The following DARS2 variants were observed in gnomAD, a reference collection of about 807,000 sequenced individuals.
The protein encoded by DARS2 is aspartate--tRNA ligase, mitochondrial.
DARS2 carries 63 observed loss-of-function variants against 83.0 expected under a neutral mutation model. That is an observed-to-expected ratio of 0.76 (90% CI 0.62 to 0.94). DARS2 has a LOEUF of 0.94. DARS2 is among the 40% of genes least tolerant of loss of function. The pLI is 0.00. For missense variants in DARS2, 675 were observed against 774.4 expected, an observed-to-expected ratio of 0.87 and a Z score of 1.52; for synonymous variants, 250 against 269.3, an observed-to-expected ratio of 0.93 and a Z score of 0.70.
intron 9 of DARS2, among the ~76,000 whole-genome samples, chr1:173,838,660 A>G (rs1421713848): frequency 6.6e-6 from 1 of 152,004 alleles, no homozygotes; most frequent in East Asian, 1.9e-4. Context: ...TGATATTTTA[A>G]TCTAATATGT....
In DARS2 at chr1:173,836,853, G is replaced by A. The variant is rs868766598; in HGVS notation, c.664-87G>A. On this transcript the variant is annotated intron_variant, in intron 7 of 16. Coordinates refer to ENST00000649689, the MANE Select transcript of DARS2 (RefSeq NM_018122.5). ...TTTAGTCATTCATTGATAAACTGAA[G>A]TAACAACTTCTACTAGTTAGTTATA... 10 of 1,081,502 alleles carry A rather than the reference G, an allele frequency of 9.2e-6. No individual in the cohort carries two copies. In the Middle Eastern group the frequency reaches 1.5e-3, roughly 161 times the overall value. The allele number at this position is 1,081,502 out of a possible 1,614,324, so 67.0% of individuals were successfully genotyped here.
intron 10 of DARS2, among the ~76,000 whole-genome samples, 163 bp downstream of exon 10, chr1:173,839,709 T>A (rs1029816167): frequency 6.6e-6 from 1 of 152,246 alleles, no homozygotes; most frequent in Non-Finnish European, 1.5e-5. Flanking sequence ...TAATAGCATG[T>A]TAGCAATACA....
chr1:173,834,724 G>GT lies in DARS2; in HGVS notation c.663+212dup, dbSNP rs1203102003. 3.5e-3 allele frequency among the ~76,000 whole-genome samples: 52 copies of GT among 14,788 alleles called. 1 individual carries two copies. The highest frequency in any genetic ancestry group is 9.9e-3 in the African/African-American group (39 of 3,920). 9.7% of individuals were successfully genotyped at this position (14,788 alleles called of 152,430 possible). A position where few individuals can be genotyped will look rare whatever the true frequency, so the allele number is the denominator to read the frequency against. Reference sequence around the variant, plus strand: ...TCCACATAAATTTTCTTTCCTTTGAGTTTTTTTGTTTTTTTTTTTTTTTTT... The same window carrying GT: ...TCCACATAAATTTTCTTTCCTTTGAGTTTTTTTTGTTTTTTTTTTTTTTTTT... On this transcript the variant is annotated intron_variant, in intron 7 of 16. Transcript: ENST00000649689.
intron 8 of DARS2, among the ~76,000 whole-genome samples, chr1:173,837,371 G>A (rs186049050): frequency 1.0e-3 from 152 of 152,134 alleles, no homozygotes; most frequent in Non-Finnish European, 1.7e-3. Flanking sequence ...TAAACCAAAT[G>A]TAAATGTATT....
intron 11 of DARS2, among the ~76,000 whole-genome samples, chr1:173,844,669 C>CAAAAAA (rs549839808): frequency 8.4e-4 from 25 of 29,930 alleles, no homozygotes; most frequent in African/African-American, 1.4e-3. Context: ...GACTCCATCG[C>CAAAAAA]AAAAAAAAAA....
In DARS2 at chr1:173,858,106, G is replaced by A. The variant is rs1653922786; in HGVS notation, c.*401G>A. The stretch of plus-strand genomic sequence containing the variant: ...TGCCCCTGTAAACTAGTGAGTTGAT[G>A]GAGCATTTGCTTCATCATCCTCATC... On this transcript the variant is annotated 3_prime_UTR_variant, in exon 17 of 17. Transcript: ENST00000649689. 8.4e-6 allele frequency: 2 copies of A among 238,152 alleles called. No homozygotes were observed. Among genetic ancestry groups the A allele is most frequent in the South Asian group, 1.1e-4 (2 of 17,702 alleles). The allele number at this position is 238,152 out of a possible 1,614,324, so 14.8% of individuals were successfully genotyped here. A position where few individuals can be genotyped will look rare whatever the true frequency, so the allele number is the denominator to read the frequency against.
Position 173,857,951 on chromosome 1 carries a change from T to G in DARS2, c.*246T>G. 1 of 509,212 alleles carries G rather than the reference T, an allele frequency of 2.0e-6. No homozygotes were observed. Among genetic ancestry groups the G allele is most frequent in the Non-Finnish European group, 3.6e-6 (1 of 281,490 alleles). The allele number at this position is 509,212 out of a possible 1,614,324, so 31.5% of individuals were successfully genotyped here. On this transcript the variant is annotated 3_prime_UTR_variant, in exon 17 of 17. Transcript: ENST00000649689. ...TTTGAAGTTCCTTTTTACTTAGGTG[T>G]GAAAGATGGTTCTTTGTTGAAATAA... is the stretch of plus-strand genomic sequence containing the variant.
At chr1:173,825,487 G>A (rs1412229780) in intron 1 of DARS2, 131 bp downstream of exon 1, 10 of 425,424 alleles carry the variant, frequency 2.4e-5, no homozygotes, top group Non-Finnish European at 2.8e-5. Flanking sequence ...ATTATTATTT[G>A]AGACGGAGTC....
Position 173,840,985 on chromosome 1 carries a change from A to G in DARS2, c.1128+12A>G. On this transcript the variant is annotated intron_variant, in intron 11 of 16. Coordinates refer to ENST00000649689, the MANE Select transcript of DARS2 (RefSeq NM_018122.5). Reference sequence around the variant, plus strand: ...TCCCTGAAGGAGCAGTAAGTGAAGTACAGTTCTATGTTTCTCTAGAATGTA... The same window carrying G: ...TCCCTGAAGGAGCAGTAAGTGAAGTGCAGTTCTATGTTTCTCTAGAATGTA... The G allele has an allele frequency of 6.9e-7, 1 of 1,447,076 alleles. No homozygotes were observed. Among genetic ancestry groups the G allele is most frequent in the Non-Finnish European group, 9.7e-7 (1 of 1,027,738 alleles). The allele number at this position is 1,447,076 out of a possible 1,614,324, so 89.6% of individuals were successfully genotyped here.
chr1:173,841,615 C>G (rs1407066050), intron 11 of DARS2, among the ~76,000 whole-genome samples: 4 of 151,740 alleles, frequency 2.6e-5, no homozygotes, highest in African/African-American at 9.7e-5. Flanking sequence ...GAGTTCGAGA[C>G]CAGCCTGGGG....
At chr1:173,839,283 TCTATAGTAA>T in intron 9 of DARS2, 75 bp from the exon 10 acceptor site, 1 of 1,272,120 alleles carries the variant, frequency 7.9e-7, no homozygotes, top group South Asian at 1.2e-5. Flanking sequence ...TGTGCAAAAT[TCTATAGTAA>T]CTTGAAAGCA....
chr1:173,853,335 T>C lies in DARS2; in HGVS notation c.1345-14T>C, dbSNP rs374321165. ...TCAAGAAGTTAACTCAATGTTTACG[T>C]CTTCTGTTTGCAGTGCTCTTTGTTA... is the stretch of plus-strand genomic sequence containing the variant. On this transcript the variant is annotated splice_polypyrimidine_tract_variant and intron_variant, in intron 13 of 16. Coordinates refer to ENST00000649689, the MANE Select transcript of DARS2 (RefSeq NM_018122.5). 1.9e-6 allele frequency: 3 copies of C among 1,612,086 alleles called. No homozygotes were observed. The African/African-American group carries it at 4.0e-5, about 22-fold the overall frequency.
At chr1:173,836,812 TG>T in intron 7 of DARS2, 127 bp from the exon 8 acceptor site, 1 of 795,018 alleles carries the variant, frequency 1.3e-6, no homozygotes, top group East Asian at 2.5e-5. Context: ...TCTCTGTCAT[TG>T]TAGGAACTTT....
chr1:173,839,640 A>T, intron 10 of DARS2, 94 bp downstream of exon 10: 2 of 1,244,986 alleles, frequency 1.6e-6, no homozygotes, highest in Non-Finnish European at 2.3e-6. Flanking sequence ...ACACTGTTAG[A>T]TGATATTTTT....
At position 173,825,228 on chromosome 1, in the gene DARS2, A is replaced by G. The variant is rs1389416545; in HGVS notation, c.-2A>G. The G allele has an allele frequency of 3.1e-6, 5 of 1,611,876 alleles. No homozygotes were observed. In the South Asian group the frequency reaches 5.5e-5, roughly 18 times the overall value. On this transcript the variant is annotated 5_prime_UTR_variant, in exon 1 of 17. Transcript: ENST00000649689. ...TGTTTTTCGCCATCGTGTGGCTCCAACATGTACTTCCCTTCTTGGTTAAGT... is the reference window on the plus strand; with the variant it reads ...TGTTTTTCGCCATCGTGTGGCTCCAGCATGTACTTCCCTTCTTGGTTAAGT...
Position 173,825,283 on chromosome 1 carries a change from CAGA to C in DARS2, c.57_59del (p.Arg20del). 7.4e-6 allele frequency: 12 copies of C among 1,613,728 alleles called. No individual in the cohort carries two copies. Among genetic ancestry groups the C allele is most frequent in the Non-Finnish European group, 1.0e-5 (12 of 1,179,834 alleles). ...TGTACAGGGGTTTATCCAGACCCAT[CAGA>C]AGGACCACCCAACCGATCTGGGGTT... On this transcript the variant is annotated inframe_deletion, in exon 1 of 17. Coordinates refer to ENST00000649689, the MANE Select transcript of DARS2 (RefSeq NM_018122.5).
Position 173,838,230 on chromosome 1 carries a change from A to G in DARS2, c.811A>G (p.Arg271Gly). Residue 271 changes from arginine (R) to glycine (G), a missense_variant, in exon 9 of 17, where the codon AGA (arginine) becomes GGA (glycine). By Grantham distance (125) the Arg-to-Gly change is moderately radical. Coordinates refer to ENST00000649689, the MANE Select transcript of DARS2 (RefSeq NM_018122.5). ...CCGATGTTATCGAGATGAAGGTTCAAGACCAGACAGACAGCCTGAGTTTAC... is the reference window on the plus strand; with the variant it reads ...CCGATGTTATCGAGATGAAGGTTCAGGACCAGACAGACAGCCTGAGTTTAC... ...VARCYRDEGS[R>G]PDRQPEFTQI... 1 of 1,613,834 alleles carries G rather than the reference A, an allele frequency of 6.2e-7. No individual in the cohort carries two copies. Among genetic ancestry groups the G allele is most frequent in the South Asian group, 1.1e-5 (1 of 91,076 alleles).
intron 9 of DARS2, among the ~76,000 whole-genome samples, chr1:173,838,696 GCT>G (rs1653097150): frequency 6.6e-6 from 1 of 151,800 alleles, no homozygotes; most frequent in Non-Finnish European, 1.5e-5. Context: ...GTTACGATTT[GCT>G]TTCTGTATGA....
At chr1:173,844,765 T>G (rs1653361085) in intron 11 of DARS2, among the ~76,000 whole-genome samples, 1 of 137,546 alleles carries the variant, frequency 7.3e-6, no homozygotes, top group African/African-American at 2.6e-5. Flanking sequence ...TGTCATTTGG[T>G]AGCAGAAATT....
Sources: allele counts gnomAD v4.1 joint callset (sites outside exome capture counted in the v4.1 genomes callset), GRCh38; gene constraint gnomAD v4.1.1; transcripts MANE v1.5; gene names NCBI Gene and HGNC (gene_info 2026-07-23, HGNC 2026-07-21).